PREX1: variants seen among roughly 807,000 people sequenced by gnomAD.
The protein encoded by PREX1 is phosphatidylinositol-3,4,5-trisphosphate dependent Rac exchange factor 1.
Under a neutral mutation model 198.3 loss-of-function variants are expected in PREX1, and 41 were observed. The ratio of observed to expected loss-of-function variants is 0.21; its 90% CI spans 0.16 to 0.27. The LOEUF is 0.27. Ranked by LOEUF, PREX1 falls within the 10% of genes least tolerant of loss-of-function variation. The pLI is 1.00. For missense variants in PREX1, 1,620 were observed against 2,200.7 expected (o/e 0.74, Z 5.28); for synonymous variants, 843 against 887.2 (o/e 0.95, Z 0.89).
chr20:48,724,350 A>T lies in PREX1; in HGVS notation c.621+1940T>A, dbSNP rs1026713482. Among the ~76,000 whole-genome samples, 5 of 152,238 alleles carry T rather than the reference A, an allele frequency of 3.3e-5. No individual in the cohort carries two copies. In the East Asian group the frequency reaches 9.6e-4, roughly 29 times the overall value. ...AGAACTAAGTCCATGCTTACTTGTC[A>T]TAACAACCCCGTAAGTACCATTAAC... is the stretch of plus-strand genomic sequence containing the variant. On this transcript the variant is annotated intron_variant, in intron 5 of 39. Coordinates refer to ENST00000371941, the MANE Select transcript of PREX1 (RefSeq NM_020820.4).
chr20:48,725,610 T>A (rs2090006381), intron 5 of PREX1, among the ~76,000 whole-genome samples: 1 of 152,202 alleles, frequency 6.6e-6, no homozygotes, highest in East Asian at 1.9e-4. Flanking sequence ...TCACGTGGGG[T>A]TCATCTGTCC....
At chr20:48,710,625 TACG>T (rs1355748287) in intron 5 of PREX1, among the ~76,000 whole-genome samples, 3 of 152,212 alleles carry the variant, frequency 2.0e-5, no homozygotes. Flanking sequence ...CCGTGCTATT[TACG>T]ACTTTTCAGA....
At chr20:48,852,180 T>C in the PREX1 span, among the ~76,000 whole-genome samples, 6 of 152,064 alleles carry the variant, frequency 3.9e-5, no homozygotes, top group East Asian at 1.9e-4. Context: ...ATTATAACCA[T>C]GTCACCCAGG....
intron 4 of PREX1, 27 bp from the exon 5 acceptor site, chr20:48,726,418 A>T: frequency 6.4e-7 from 1 of 1,562,618 alleles, no homozygotes; most frequent in South Asian, 1.1e-5. Flanking sequence ...GACCTTCATG[A>T]AACCCACCAA....
At chr20:48,816,118 T>C (rs2090458205) in intron 1 of PREX1, among the ~76,000 whole-genome samples, 3 of 150,992 alleles carry the variant, frequency 2.0e-5, no homozygotes, top group African/African-American at 7.3e-5. Flanking sequence ...CCACACCTCA[T>C]AATACAGCCC....
At chr20:48,734,508 G>T in intron 4 of PREX1, 38 bp downstream of exon 4, 1 of 1,551,718 alleles carries the variant, frequency 6.4e-7, no homozygotes, top group Non-Finnish European at 8.9e-7. Context: ...GGATGAGGCC[G>T]AGTGCAAGGG....
In PREX1 at chr20:48,629,508, C is replaced by T. The variant is rs200783880; in HGVS notation, c.4707G>A (p.Ser1569=). ...AGGCCCCCAGGCGGTAGCAGAGCTC[C>T]GAGGAGATGGGGATGAGGCCGGCGC... The part of the protein sequence containing the change: ...SVGAGLIPIS[S]ELCYRLGACQ... Residue 1569 remains serine (S), a synonymous_variant, in exon 37 of 40, where the codon TCG becomes TCA. Transcript: ENST00000371941. 200 of 1,613,952 alleles carry T rather than the reference C, an allele frequency of 1.2e-4. No individual in the cohort carries two copies. The highest frequency in any genetic ancestry group is 1.6e-4 in the Middle Eastern group (1 of 6,074).
At chr20:48,782,551 T>C (rs1393920488) in intron 1 of PREX1, among the ~76,000 whole-genome samples, 1 of 152,160 alleles carries the variant, frequency 6.6e-6, no homozygotes, top group Admixed American at 6.5e-5. Flanking sequence ...GAATATGTCC[T>C]GTTAAAGTGG....
intron 29 of PREX1, among the ~76,000 whole-genome samples, chr20:48,641,580 A>G (rs562690781): frequency 6.6e-6 from 1 of 152,084 alleles, no homozygotes; most frequent in East Asian, 1.9e-4. Context: ...TGAGCCCAGG[A>G]GTTCAAAACC....
chr20:48,782,269 G>A (rs890604891), intron 1 of PREX1, among the ~76,000 whole-genome samples: 7 of 152,122 alleles, frequency 4.6e-5, no homozygotes, highest in Admixed American at 3.9e-4. Context: ...ATTGAATCAT[G>A]GGGGAAGTTT....
intron 16 of PREX1, 88 bp from the exon 17 acceptor site, chr20:48,658,316 CGTCCCAG>C: frequency 2.3e-6 from 3 of 1,323,008 alleles, no homozygotes; most frequent in Non-Finnish European, 3.2e-6. Flanking sequence ...ACCATGACCT[CGTCCCAG>C]GTCTAGTAGG....
intron 1 of PREX1, among the ~76,000 whole-genome samples, chr20:48,797,583 CT>C (rs1168913901): frequency 6.6e-6 from 1 of 152,186 alleles, no homozygotes; most frequent in Non-Finnish European, 1.5e-5. Context: ...TTCACTGCCC[CT>C]GTGTGCCCGC....
intron 1 of PREX1, among the ~76,000 whole-genome samples, chr20:48,785,065 C>T (rs1336578416): frequency 6.6e-6 from 1 of 152,128 alleles, no homozygotes; most frequent in Non-Finnish European, 1.5e-5. Flanking sequence ...AGGCACCTGC[C>T]ACCACACCCA....
At chr20:48,811,688 ACAC>A (rs1409120692) in intron 1 of PREX1, among the ~76,000 whole-genome samples, 2 of 151,824 alleles carry the variant, frequency 1.3e-5, no homozygotes, top group Non-Finnish European at 2.9e-5. Context: ...ATACACACAC[ACAC>A]GTGTGCATGC....
intron 1 of PREX1, among the ~76,000 whole-genome samples, chr20:48,753,417 G>T (rs999933578): frequency 6.6e-6 from 1 of 152,210 alleles, no homozygotes; most frequent in Non-Finnish European, 1.5e-5. Flanking sequence ...GAAGACATGT[G>T]CCAATGTCTA....
the PREX1 span, among the ~76,000 whole-genome samples, chr20:48,863,739 C>T: frequency 5.3e-5 from 8 of 151,928 alleles, no homozygotes; most frequent in African/African-American, 1.9e-4. Flanking sequence ...AGGCACACAC[C>T]ACCACGCCTG....
intron 27 of PREX1, among the ~76,000 whole-genome samples, chr20:48,643,942 G>T (rs1017601325): frequency 6.6e-6 from 1 of 152,244 alleles, no homozygotes; most frequent in Admixed American, 6.5e-5. Flanking sequence ...CTCCCAAAGT[G>T]CTGGGATTAC....
intron 14 of PREX1, among the ~76,000 whole-genome samples, chr20:48,672,587 C>T (rs2089682912): frequency 1.3e-5 from 2 of 152,252 alleles, no homozygotes; most frequent in South Asian, 2.1e-4. Context: ...GCGGCTTCCT[C>T]GCCACTCCTC....
At chr20:48,840,811 A>C in the PREX1 span, among the ~76,000 whole-genome samples, 1 of 152,136 alleles carries the variant, frequency 6.6e-6, no homozygotes, top group Non-Finnish European at 1.5e-5. Context: ...TACAATTGCA[A>C]ATCCCCTTAT....
Sources: gnomAD v4.1 joint callset for allele counts (sites outside exome capture counted in the v4.1 genomes callset) on GRCh38, gnomAD v4.1.1 for gene constraint, MANE v1.5 for transcripts, NCBI Gene and HGNC (gene_info 2026-07-23, HGNC 2026-07-21) for gene names.